The following FER1L5 variants were observed in gnomAD, a reference collection of about 807,000 sequenced individuals.
The protein encoded by FER1L5 is fer-1 like family member 5.
Under a neutral mutation model 279.9 loss-of-function variants are expected in FER1L5, and 187 were observed. That is an observed-to-expected ratio of 0.67 (90% confidence interval 0.59 to 0.75). The LOEUF (loss-of-function observed/expected upper bound fraction) is 0.75, where lower values mean the gene tolerates loss of function less well. FER1L5 is among the 30% of genes least tolerant of loss of function. FER1L5 has a pLI of 0.00. For synonymous variants in FER1L5, 921 were observed against 989.7 expected (o/e 0.93, Z 1.30); for missense variants, 2,091 against 2,594.4 (o/e 0.81, Z 4.21).
chr2:96,686,111 C>T lies in FER1L5; in HGVS notation c.2067C>T (p.Leu689=). The change falls in exon 22 of 53, where the codon CTC becomes CTT. Residue 689 remains leucine (L), a synonymous_variant. Transcript: ENST00000624922. ...EDWLYRLNTV[L]PEPQMGLPDV... is the part of the protein sequence containing the mutation. The stretch of plus-strand genomic sequence containing the variant: ...GGCTGTACCGCCTCAACACCGTGCT[C>T]CCTGAGGTGGGTGCTGCACACACTG... 1 of 1,550,624 alleles carries T rather than the reference C, an allele frequency of 6.4e-7. No homozygotes were observed. Among genetic ancestry groups the T allele is most frequent in the Non-Finnish European group, 8.7e-7 (1 of 1,146,448 alleles).
chr2:96,668,586 G>A (rs1223803670), intron 14 of FER1L5, among the ~76,000 whole-genome samples, 165 bp from the exon 15 acceptor site: 4 of 152,224 alleles, frequency 2.6e-5, no homozygotes, highest in African/African-American at 4.8e-5. Flanking sequence ...GCCAAAGCTC[G>A]ATTCGCTTGG....
intron 18 of FER1L5, among the ~76,000 whole-genome samples, chr2:96,670,833 G>A (rs142754127): frequency 6.6e-6 from 1 of 151,596 alleles, no homozygotes; most frequent in Non-Finnish European, 1.5e-5. Flanking sequence ...TGCCGGGCAC[G>A]ATGACTCACA....
intron 3 of FER1L5, 85 bp from the exon 4 acceptor site, chr2:96,647,693 G>T: frequency 1.0e-6 from 1 of 987,382 alleles, no homozygotes. Flanking sequence ...GGAGGAAACC[G>T]TCTCTAGCTA....
In FER1L5 at chr2:96,659,433, CT is replaced by C. The variant is rs1236280451; in HGVS notation, c.748-905del. ...TCTTTCTTTCTTTCTTTCTTTCTTT[CT>C]TTCTTTCTTTCTTTCTTTCTTTCTT... On this transcript the variant is annotated intron_variant, in intron 9 of 52. Coordinates refer to ENST00000624922, the MANE Select transcript of FER1L5 (RefSeq NM_001293083.2). Among the ~76,000 whole-genome samples the C allele has an allele frequency of 1.6e-4, 3 of 18,218 alleles. 1 individual carries two copies. The highest frequency in any genetic ancestry group is 1.2e-3 in the East Asian group (1 of 804). The allele number at this position is 18,218 out of a possible 152,430, so 12.0% of individuals were successfully genotyped here.
Position 96,661,736 on chromosome 2 carries a change from G to T in FER1L5, c.963G>T (p.Pro321=). ...AGATCTTCAAGTCAGCGGTAGTCCCGATCAACATGGCTTACTTACAGCTCT... is the reference window on the plus strand; with the variant it reads ...AGATCTTCAAGTCAGCGGTAGTCCCTATCAACATGGCTTACTTACAGCTCT... ...DIQIFKSAVV[P]INMAYLQLFI... The change falls in exon 12 of 53, where the codon CCG becomes CCT. Residue 321 remains proline, a synonymous_variant. Transcript: ENST00000624922. 1 of 1,551,670 alleles carries T rather than the reference G, an allele frequency of 6.4e-7. No individual in the cohort carries two copies. Among genetic ancestry groups the T allele is most frequent in the Non-Finnish European group, 8.7e-7 (1 of 1,146,994 alleles).
chr2:96,659,634 G>C (rs899199928), intron 9 of FER1L5, among the ~76,000 whole-genome samples: 1 of 150,690 alleles, frequency 6.6e-6, no homozygotes, highest in African/African-American at 2.4e-5. Flanking sequence ...TGAGACTACA[G>C]GGGCCCGCCA....
At chr2:96,647,971 C>A in intron 4 of FER1L5, 85 bp downstream of exon 4, 1 of 1,122,654 alleles carries the variant, frequency 8.9e-7, no homozygotes, top group South Asian at 1.4e-5. Flanking sequence ...AAGAGTGCTT[C>A]CTGCTTGGGG....
At chr2:96,671,777 G>A (rs773299304) in intron 18 of FER1L5, among the ~76,000 whole-genome samples, 1 of 152,218 alleles carries the variant, frequency 6.6e-6, no homozygotes, top group Admixed American at 6.5e-5. Context: ...CTGCAGAGGC[G>A]GACTCAGGAG....
chr2:96,648,516 G>A (rs2075231001), intron 4 of FER1L5, among the ~76,000 whole-genome samples: 1 of 152,224 alleles, frequency 6.6e-6, no homozygotes, highest in Non-Finnish European at 1.5e-5. Flanking sequence ...TTGGTTAGAG[G>A]GGCATGTTTG....
chr2:96,670,590 C>T (rs1558873700), intron 18 of FER1L5, among the ~76,000 whole-genome samples: 2 of 150,834 alleles, frequency 1.3e-5, no homozygotes, highest in Non-Finnish European at 3.0e-5. Context: ...CCAGCCTGGG[C>T]AACATGGTGA....
chr2:96,695,941 C>T, intron 36 of FER1L5, 37 bp downstream of exon 36: 2 of 1,609,986 alleles, frequency 1.2e-6, no homozygotes, highest in East Asian at 2.2e-5. Flanking sequence ...CCAGGCCTCA[C>T]AAGCGAGCCT....
At chr2:96,677,530 C>T (rs1472025102) in intron 19 of FER1L5, among the ~76,000 whole-genome samples, 1 of 152,052 alleles carries the variant, frequency 6.6e-6, no homozygotes, top group African/African-American at 2.4e-5. Context: ...TTTGTTAATC[C>T]ATTCATCAGT....
chr2:96,679,593 A>C (rs2076643825), intron 19 of FER1L5, among the ~76,000 whole-genome samples: 1 of 152,186 alleles, frequency 6.6e-6, no homozygotes, highest in Admixed American at 6.5e-5. Flanking sequence ...TTTGCATGTG[A>C]ATATCCAGTT....
intron 1 of FER1L5, among the ~76,000 whole-genome samples, chr2:96,644,170 C>A (rs1236941626): frequency 2.6e-5 from 3 of 116,556 alleles, no homozygotes; most frequent in African/African-American, 9.7e-5. Context: ...AGATGAGGTG[C>A]CTTCAAAAAA....
chr2:96,695,421 A>G, intron 34 of FER1L5, 88 bp from the exon 35 acceptor site: 3 of 1,468,720 alleles, frequency 2.0e-6, no homozygotes, highest in South Asian at 2.6e-5. Context: ...CTGCACCGCT[A>G]TTGCCCCTCA....
chr2:96,653,660 T>G lies in FER1L5; in HGVS notation c.654T>G (p.His218Gln), dbSNP rs1573790128. Reference protein sequence around the residue: ...FFNEIFFQNFHEVPAKFFDET... With the variant: ...FFNEIFFQNFQEVPAKFFDET... ...CTCAGATCTTCTTCCAGAATTTTCA[T>G]GAGGTTCCTGCAAAGTTCTTTGATG... The change falls in exon 8 of 53, where the codon CAT becomes CAG. Residue 218 changes from histidine (H) to glutamine (Q), a missense_variant. Transcript: ENST00000624922. 6.4e-7 allele frequency: 1 copy of G among 1,551,580 alleles called. No individual in the cohort carries two copies. The highest frequency in any genetic ancestry group is 2.4e-5 in the East Asian group (1 of 40,918).
Position 96,701,942 on chromosome 2 carries a change from A to G in FER1L5, c.5071-13A>G. ...CTAGCAACCCCCAACCAGTCAATGT[A>G]TCCCGGCTCTAGGGAAAGGTGCAAA... On this transcript the variant is annotated splice_polypyrimidine_tract_variant and intron_variant, in intron 45 of 52. Transcript: ENST00000624922. 6.2e-7 allele frequency: 1 copy of G among 1,613,802 alleles called. No homozygotes were observed. The highest frequency in any genetic ancestry group is 2.2e-5 in the East Asian group (1 of 44,878).
Position 96,700,469 on chromosome 2 carries a change from C to A in FER1L5, c.5068C>A (p.Gln1690Lys). The stretch of plus-strand genomic sequence containing the variant: ...CAGCCACAGCCAGCCAGGCATCGAC[C>A]AGGTATGAGACTGGAGGGGCCACTC... ...LYSHSQPGID[Q>K]GKVQMWVDIF... Residue 1690 changes from glutamine to lysine, a missense_variant and splice_region_variant, in exon 45 of 53, where the codon CAG becomes AAG. By Grantham distance (53) the Gln-to-Lys change is moderately conservative. Transcript: ENST00000624922. 1 of 1,613,178 alleles carries A rather than the reference C, an allele frequency of 6.2e-7. No individual in the cohort carries two copies. Among genetic ancestry groups the A allele is most frequent in the Non-Finnish European group, 8.5e-7 (1 of 1,179,882 alleles).
Position 96,669,096 on chromosome 2 carries a change from G to T in FER1L5, c.1321G>T (p.Gly441Trp). ...CFGPSFLTLHGGKKAPFRIQE... is the reference protein window; with the variant it reads ...CFGPSFLTLHWGKKAPFRIQE... The stretch of plus-strand genomic sequence containing the variant: ...TGGCCCCAGCTTCCTGACTCTGCAT[G>T]GGGGTAAAAAGGCCCCTTTCAGGAT... Residue 441 changes from glycine (G) to tryptophan (W), a missense_variant, in exon 17 of 53, where the codon GGG (glycine) becomes TGG (tryptophan). Coordinates refer to ENST00000624922, the MANE Select transcript of FER1L5 (RefSeq NM_001293083.2). 6.4e-7 allele frequency: 1 copy of T among 1,551,704 alleles called. No homozygotes were observed. The highest frequency in any genetic ancestry group is 8.7e-7 in the Non-Finnish European group (1 of 1,147,004).
Sources: allele counts gnomAD v4.1 joint callset (sites outside exome capture counted in the v4.1 genomes callset), GRCh38; gene constraint gnomAD v4.1.1; transcripts MANE v1.5; gene names NCBI Gene and HGNC (gene_info 2026-07-23, HGNC 2026-07-21).